The following ENPP6 variants were observed in gnomAD, a reference collection of about 807,000 sequenced individuals.
ENPP6 encodes the protein glycerophosphocholine cholinephosphodiesterase ENPP6.
Under a neutral mutation model 42.0 loss-of-function variants are expected in ENPP6, and 32 were observed. That is an observed-to-expected ratio of 0.76 (90% CI 0.58 to 1.02). ENPP6 has a LOEUF of 1.02. Ranked by LOEUF, ENPP6 falls within the 50% of genes least tolerant of loss-of-function variation. The pLI is 0.00. For synonymous variants in ENPP6, 213 were observed against 216.0 expected, an observed-to-expected ratio of 0.99 and a Z score of 0.12; for missense variants, 552 against 566.8, an observed-to-expected ratio of 0.97 and a Z score of 0.27.
At chr4:184,191,747 T>C (rs998904537) in intron 1 of ENPP6, among the ~76,000 whole-genome samples, 1 of 152,226 alleles carries the variant, frequency 6.6e-6, no homozygotes, top group African/African-American at 2.4e-5. Context: ...GAAAATATGA[T>C]CTTGTATATT....
chr4:184,195,037 G>T (rs1732772968), intron 1 of ENPP6, among the ~76,000 whole-genome samples: 2 of 152,178 alleles, frequency 1.3e-5, no homozygotes, highest in Admixed American at 1.3e-4. Context: ...TTTTATCATG[G>T]TAAAATATAC....
chr4:184,107,460 C>A (rs1037395338), intron 6 of ENPP6, among the ~76,000 whole-genome samples: 1 of 152,226 alleles, frequency 6.6e-6, no homozygotes, highest in East Asian at 1.9e-4. Context: ...GGGGCAGAGG[C>A]AAACTGGGGG....
intron 1 of ENPP6, among the ~76,000 whole-genome samples, chr4:184,195,902 A>G (rs1430493456): frequency 2.6e-5 from 4 of 152,082 alleles, no homozygotes; most frequent in Non-Finnish European, 4.4e-5. Flanking sequence ...TTTCTCTCTA[A>G]TCCTCCACAT....
At chr4:184,148,322 C>G (rs1258357100) in intron 2 of ENPP6, among the ~76,000 whole-genome samples, 7 of 152,152 alleles carry the variant, frequency 4.6e-5, no homozygotes, top group Non-Finnish European at 1.0e-4. Context: ...CCCTGGATTT[C>G]TCGTTAAAAC....
rs147086737 is a variant in ENPP6 at position 184,169,565 on chromosome 4, C to T, written c.242-15832G>A. Among the ~76,000 whole-genome samples, 216 of 152,328 alleles carry T rather than the reference C, an allele frequency of 1.4e-3. 2 individuals carry two copies. The highest frequency in any genetic ancestry group is 5.1e-3 in the African/African-American group (213 of 41,578). On this transcript the variant is annotated intron_variant, in intron 1 of 7. Coordinates refer to ENST00000296741, the MANE Select transcript of ENPP6 (RefSeq NM_153343.4). Reference sequence around the variant, plus strand: ...GCCTGTCCCTGGCTCCTCTCTCTGCCGTCATCACGTTTCTGGCCACCTTGC... The same window carrying T: ...GCCTGTCCCTGGCTCCTCTCTCTGCTGTCATCACGTTTCTGGCCACCTTGC...
intron 1 of ENPP6, among the ~76,000 whole-genome samples, chr4:184,172,200 T>C (rs1259146924): frequency 6.6e-6 from 1 of 152,112 alleles, no homozygotes; most frequent in African/African-American, 2.4e-5. Context: ...TGGCGCATTG[T>C]TGGGAGGATT....
intron 1 of ENPP6, among the ~76,000 whole-genome samples, chr4:184,211,084 A>C (rs1733102036): frequency 6.6e-6 from 1 of 150,868 alleles, no homozygotes; most frequent in African/African-American, 2.4e-5. Flanking sequence ...ATGCATTCAA[A>C]GCAGTGTGTA....
intron 6 of ENPP6, among the ~76,000 whole-genome samples, chr4:184,110,081 A>T (rs1736174160): frequency 6.6e-6 from 1 of 152,112 alleles, no homozygotes; most frequent in Non-Finnish European, 1.5e-5. Flanking sequence ...GGGAAGGAGG[A>T]CGTGTCCTCA....
At chr4:184,112,053 G>A (rs1736203995) in intron 6 of ENPP6, among the ~76,000 whole-genome samples, 1 of 152,176 alleles carries the variant, frequency 6.6e-6, no homozygotes, top group Non-Finnish European at 1.5e-5. Context: ...CTTCAGGAAT[G>A]AACTGTAAAC....
chr4:184,094,913 C>T (rs1735872368), intron 7 of ENPP6, among the ~76,000 whole-genome samples: 1 of 152,260 alleles, frequency 6.6e-6, no homozygotes, highest in Admixed American at 6.5e-5. Flanking sequence ...TCACTGACTT[C>T]TGAGGCTGCA....
At chr4:184,140,216 A>C (rs1341607012) in intron 2 of ENPP6, among the ~76,000 whole-genome samples, 1 of 151,908 alleles carries the variant, frequency 6.6e-6, no homozygotes, top group South Asian at 2.1e-4. Context: ...AGAACTACAA[A>C]CCACTGCTCA....
At chr4:184,097,522 T>A (rs941505690) in intron 6 of ENPP6, among the ~76,000 whole-genome samples, 154 bp from the exon 7 acceptor site, 3 of 152,164 alleles carry the variant, frequency 2.0e-5, no homozygotes, top group African/African-American at 7.2e-5. Flanking sequence ...CACTTCCTGC[T>A]CCAGGCCGCT....
At chr4:184,106,319 G>T (rs532355984) in intron 6 of ENPP6, among the ~76,000 whole-genome samples, 1 of 152,120 alleles carries the variant, frequency 6.6e-6, no homozygotes, top group Non-Finnish European at 1.5e-5. Context: ...ACAGGCATGA[G>T]CCACCATGTC....
At chr4:184,200,052 A>T (rs1006449484) in intron 1 of ENPP6, among the ~76,000 whole-genome samples, 6 of 152,232 alleles carry the variant, frequency 3.9e-5, no homozygotes, top group African/African-American at 9.6e-5. Context: ...TGAAGTGATG[A>T]CACCTGCTGC....
chr4:184,156,484 AT>A (rs1737161140), intron 1 of ENPP6, among the ~76,000 whole-genome samples: 1 of 152,074 alleles, frequency 6.6e-6, no homozygotes, highest in African/African-American at 2.4e-5. Context: ...CCTGACCCAT[AT>A]CTATTTTTAT....
At chr4:184,169,019 C>G (rs1737412397) in intron 1 of ENPP6, among the ~76,000 whole-genome samples, 1 of 152,096 alleles carries the variant, frequency 6.6e-6, no homozygotes, top group South Asian at 2.1e-4. Context: ...CCTTTCTTTC[C>G]CTCCTTCTCT....
chr4:184,167,514 G>C (rs1346530081), intron 1 of ENPP6, among the ~76,000 whole-genome samples: 3 of 152,180 alleles, frequency 2.0e-5, no homozygotes, highest in African/African-American at 7.2e-5. Context: ...ATGGAACCCA[G>C]CTCTTAAGGA....
intron 2 of ENPP6, among the ~76,000 whole-genome samples, chr4:184,134,711 A>ATTT (rs1736703585): frequency 2.7e-5 from 4 of 150,398 alleles, no homozygotes; most frequent in Non-Finnish European, 5.9e-5. Flanking sequence ...TCTTTGTTGT[A>ATTT]TGTTTATTTT....
intron 1 of ENPP6, among the ~76,000 whole-genome samples, chr4:184,179,005 G>A (rs540372721): frequency 6.6e-6 from 1 of 152,280 alleles, no homozygotes; most frequent in African/African-American, 2.4e-5. Context: ...ATGATAACAG[G>A]ATCAAATTCA....
Sources: allele counts gnomAD v4.1 joint callset (sites outside exome capture counted in the v4.1 genomes callset), GRCh38; gene constraint gnomAD v4.1.1; transcripts MANE v1.5; gene names NCBI Gene and HGNC (gene_info 2026-07-23, HGNC 2026-07-21).